Variants in KDM4B observed in about 807,000 individuals in gnomAD.
The protein encoded by KDM4B is lysine demethylase 4B.
A neutral mutation model predicts 125.2 loss-of-function variants in KDM4B; 32 were observed. The observed-to-expected ratio is 0.26, with a 90% confidence interval of 0.19 to 0.34. The LOEUF is 0.34. KDM4B is among the 10% of genes least tolerant of loss of function. The pLI is 1.00. For missense variants in KDM4B, 1,190 were observed against 1,577.7 expected, an observed-to-expected ratio of 0.75 and a Z score of 4.16; for synonymous variants, 721 against 677.9, an observed-to-expected ratio of 1.06 and a Z score of -0.99.
intron 1 of KDM4B, among the ~76,000 whole-genome samples, chr19:5,000,433 TCATCCATC>T (rs144739599): frequency 1.3e-4 from 19 of 149,768 alleles, no homozygotes; most frequent in African/African-American, 3.9e-4. Flanking sequence ...ATCCATTTAT[TCATCCATC>T]CATCCATCCA....
intron 1 of KDM4B, among the ~76,000 whole-genome samples, chr19:5,002,565 G>T (rs1323931515): frequency 6.7e-6 from 1 of 149,908 alleles, no homozygotes. Flanking sequence ...TGTTGCCCAC[G>T]CTGGTCTCAA....
At chr19:5,048,996 C>T (rs2037131623) in intron 6 of KDM4B, among the ~76,000 whole-genome samples, 1 of 152,172 alleles carries the variant, frequency 6.6e-6, no homozygotes, top group Non-Finnish European at 1.5e-5. Flanking sequence ...AGCTCGGTCT[C>T]CTGTGAGGGG....
intron 6 of KDM4B, among the ~76,000 whole-genome samples, chr19:5,061,224 T>C (rs569989127): frequency 6.6e-6 from 1 of 152,304 alleles, no homozygotes; most frequent in East Asian, 1.9e-4. Flanking sequence ...CGGGCATTCC[T>C]GTGGGCGGCT....
At chr19:5,148,431 TCTGCAGTCTTC>T (rs1396328396) in intron 21 of KDM4B, among the ~76,000 whole-genome samples, 1 of 152,208 alleles carries the variant, frequency 6.6e-6, no homozygotes, top group Non-Finnish European at 1.5e-5. Flanking sequence ...GGGGCGGATC[TCTGCAGTCTTC>T]CTGACCCAGA....
intron 1 of KDM4B, among the ~76,000 whole-genome samples, chr19:4,989,253 G>C (rs2034952452): frequency 6.6e-6 from 1 of 152,196 alleles, no homozygotes; most frequent in Non-Finnish European, 1.5e-5. Flanking sequence ...TGGGGCAGGG[G>C]GGCCGTGTTC....
At chr19:5,054,474 G>A (rs2037332437) in intron 6 of KDM4B, among the ~76,000 whole-genome samples, 1 of 150,272 alleles carries the variant, frequency 6.7e-6, no homozygotes, top group African/African-American at 2.5e-5. Context: ...GTGTGTGTGT[G>A]TGTGTGTGTG....
In KDM4B at chr19:4,971,479, G is replaced by A. The variant is rs933340479; in HGVS notation, c.-109+2249G>A. On this transcript the variant is annotated intron_variant, in intron 1 of 22. Coordinates refer to ENST00000159111, the MANE Select transcript of KDM4B (RefSeq NM_015015.3). The surrounding 1 kb of genome is among the most constrained non-coding windows in gnomAD (Gnocchi z 4.1). ...CCCCACCCACTCCCTGATGAGCCGG[G>A]GAGGAGCCTCAGCTCTGGGGAAGCC... is the stretch of plus-strand genomic sequence containing the variant. Among the ~76,000 whole-genome samples the A allele has an allele frequency of 6.6e-6, 1 of 152,262 alleles. No individual in the cohort carries two copies. Among genetic ancestry groups the A allele is most frequent in the Admixed American group, 6.5e-5 (1 of 15,300 alleles).
chr19:5,076,980 G>C (rs926098719), intron 7 of KDM4B: 1 of 234,106 alleles, frequency 4.3e-6, no homozygotes, highest in Non-Finnish European at 8.5e-6. Flanking sequence ...AGGGACCCAA[G>C]TGTATGCCAT....
intron 1 of KDM4B, among the ~76,000 whole-genome samples, chr19:4,993,323 C>T (rs767792815): frequency 1.4e-4 from 22 of 151,862 alleles, no homozygotes; most frequent in South Asian, 4.1e-4. Flanking sequence ...GCACCAGAAT[C>T]GCTTGAACCC....
chr19:5,039,710 CT>C, intron 3 of KDM4B, 125 bp from the exon 4 acceptor site: 2 of 1,087,572 alleles, frequency 1.8e-6, no homozygotes, highest in Non-Finnish European at 2.7e-6. Flanking sequence ...CCTCGTGCCC[CT>C]GGGGGGTGTC....
At chr19:5,032,683 C>T (rs1257670958) in intron 2 of KDM4B, among the ~76,000 whole-genome samples, 183 bp from the exon 3 acceptor site, 2 of 152,228 alleles carry the variant, frequency 1.3e-5, no homozygotes, top group Non-Finnish European at 2.9e-5. Context: ...CTTTTATGCT[C>T]AGCAGAGTGA....
Position 5,107,038 on chromosome 19 carries a change from C to A in KDM4B, c.919-3584C>A, listed in dbSNP as rs17179055. Among the ~76,000 whole-genome samples the A allele has an allele frequency of 5.3e-5, 8 of 152,286 alleles. No homozygotes were observed. In the South Asian group the frequency reaches 1.7e-3, roughly 32 times the overall value. On this transcript the variant is annotated intron_variant, in intron 9 of 22. Transcript: ENST00000159111. ...AGTGGGACCCTGGCTTCATGCTCCG[C>A]GTTCCTCACCTGAGTCCCCACCTCC...
chr19:5,099,375 TA>T (rs1231348430), intron 9 of KDM4B, among the ~76,000 whole-genome samples: 1 of 152,166 alleles, frequency 6.6e-6, no homozygotes, highest in Non-Finnish European at 1.5e-5. Context: ...ACCCAGGGCT[TA>T]TATACCATAG....
At chr19:5,019,592 G>GGA in intron 2 of KDM4B, among the ~76,000 whole-genome samples, 1 of 148,282 alleles carries the variant, frequency 6.7e-6, no homozygotes, top group East Asian at 2.0e-4. Context: ...GTGTTGGTGT[G>GGA]CGGGTGTTGG....
intron 9 of KDM4B, among the ~76,000 whole-genome samples, chr19:5,096,694 G>A (rs941396867): frequency 2.7e-5 from 4 of 148,212 alleles, no homozygotes; most frequent in Non-Finnish European, 6.0e-5. Context: ...GGCGGTGTCG[G>A]TGGCGCGTGT....
At chr19:5,037,030 G>A (rs576243183) in intron 3 of KDM4B, among the ~76,000 whole-genome samples, 3 of 152,374 alleles carry the variant, frequency 2.0e-5, no homozygotes, top group African/African-American at 7.2e-5. Flanking sequence ...AGTGCCCGCC[G>A]TGGAAGGGAC....
At chr19:4,974,030 T>C (rs2034354912) in intron 1 of KDM4B, among the ~76,000 whole-genome samples, 1 of 151,846 alleles carries the variant, frequency 6.6e-6, no homozygotes, top group Non-Finnish European at 1.5e-5. Context: ...CTTGGGAGAC[T>C]GAGACAGGAG....
chr19:5,116,605 G>A (rs2039260849), intron 10 of KDM4B, among the ~76,000 whole-genome samples: 1 of 152,220 alleles, frequency 6.6e-6, no homozygotes, highest in South Asian at 2.1e-4. Context: ...CCCCAGGGGT[G>A]TCATGGAGAG....
intron 6 of KDM4B, among the ~76,000 whole-genome samples, chr19:5,052,755 C>A (rs182962719): frequency 3.5e-4 from 54 of 152,382 alleles, no homozygotes; most frequent in African/African-American, 1.3e-3. Flanking sequence ...AGCTGGCGAG[C>A]CCGTCCCAGG....
Sources: allele counts gnomAD v4.1 joint callset (sites outside exome capture counted in the v4.1 genomes callset), GRCh38; gene constraint gnomAD v4.1.1; non-coding constraint Gnocchi (gnomAD v3.1); transcripts MANE v1.5; gene names NCBI Gene and HGNC (gene_info 2026-07-23, HGNC 2026-07-21).